The following MORC3 variants were observed in gnomAD, a reference collection of about 807,000 sequenced individuals.
MORC3 encodes MORC family CW-type zinc finger protein 3.
Under a neutral mutation model 109.1 loss-of-function variants are expected in MORC3, and 31 were observed. The ratio of observed to expected loss-of-function variants is 0.28; its 90% CI spans 0.21 to 0.38. The LOEUF is 0.38. MORC3 is among the 10% of genes least tolerant of loss of function. MORC3 has a pLI of 1.00. For missense variants in MORC3, 867 were observed against 1,135.8 expected, an observed-to-expected ratio of 0.76 and a Z score of 3.40; for synonymous variants, 395 against 380.7, an observed-to-expected ratio of 1.04 and a Z score of -0.44.
chr21:36,340,253 G>A (rs1421562676), intron 5 of MORC3, among the ~76,000 whole-genome samples: 1 of 150,952 alleles, frequency 6.6e-6, no homozygotes, highest in Non-Finnish European at 1.5e-5. Flanking sequence ...ACTCCAGCCT[G>A]GGCGAAAGAG....
intron 1 of MORC3, among the ~76,000 whole-genome samples, chr21:36,330,894 A>G (rs748541128): frequency 6.6e-6 from 1 of 152,222 alleles, no homozygotes; most frequent in African/African-American, 2.4e-5. Flanking sequence ...TGTGCTTTAG[A>G]AAGTCTTGAG....
intron 1 of MORC3, among the ~76,000 whole-genome samples, chr21:36,332,507 A>G (rs962679532): frequency 7.2e-5 from 11 of 152,160 alleles, no homozygotes; most frequent in Admixed American, 3.3e-4. Flanking sequence ...TGATCAGGCA[A>G]TATTTATGGA....
intron 15 of MORC3, among the ~76,000 whole-genome samples, chr21:36,372,041 G>C (rs1160595412): frequency 1.3e-5 from 2 of 152,034 alleles, no homozygotes. Context: ...TTAAACTCCT[G>C]ATCTCAGGTG....
chr21:36,364,151 C>T lies in MORC3; in HGVS notation c.1511C>T (p.Pro504Leu). Residue 504 changes from proline (P) to leucine (L), a missense_variant, in exon 14 of 17, where the codon CCT (proline) becomes CTT (leucine). By Grantham distance (98) the Pro-to-Leu change is moderately conservative. This residue lies in a region of MORC3 where 486 missense variants were observed against 502.1 expected (regional missense o/e 0.97). Coordinates refer to ENST00000400485, the MANE Select transcript of MORC3 (RefSeq NM_015358.3). ...CTTTCAACTCCAAGCTTTTCTTCTC[C>T]TAAGGAAAGTGTTCCAAGAAGACAT... ...TALSTPSFSS[P>L]KESVPRRHLS... 2 of 1,614,064 alleles carry T rather than the reference C, an allele frequency of 1.2e-6. No homozygotes were observed. Among genetic ancestry groups the T allele is most frequent in the Non-Finnish European group, 1.7e-6 (2 of 1,179,964 alleles).
intron 8 of MORC3, among the ~76,000 whole-genome samples, chr21:36,345,285 G>A (rs1370677803): frequency 7.5e-6 from 1 of 133,204 alleles, no homozygotes; most frequent in South Asian, 2.5e-4. Context: ...TCTGAGTCTT[G>A]CCCAGGCTTC....
chr21:36,372,558 G>T (rs1202951453), intron 16 of MORC3, 27 bp downstream of exon 16: 1 of 1,552,716 alleles, frequency 6.4e-7, no homozygotes, highest in Non-Finnish European at 8.6e-7. Context: ...CGTTTTTGTG[G>T]GGCTGCAATT....
chr21:36,335,174 A>G (rs977045171), intron 2 of MORC3, among the ~76,000 whole-genome samples: 1 of 152,178 alleles, frequency 6.6e-6, no homozygotes, highest in Non-Finnish European at 1.5e-5. Flanking sequence ...ACATAAGCCT[A>G]ATTGAAAAAT....
intron 14 of MORC3, among the ~76,000 whole-genome samples, chr21:36,366,150 C>T (rs1395581818): frequency 6.6e-6 from 1 of 152,062 alleles, no homozygotes; most frequent in Non-Finnish European, 1.5e-5. Context: ...GAGCATAGTA[C>T]CCAATATGTA....
intron 2 of MORC3, among the ~76,000 whole-genome samples, chr21:36,334,984 C>T (rs935783279): frequency 1.4e-4 from 22 of 151,964 alleles, no homozygotes; most frequent in Non-Finnish European, 2.5e-4. Context: ...TACAAAAATT[C>T]GCCAGGGTGG....
In MORC3 at chr21:36,346,361, G is replaced by A. The variant is rs189601784; in HGVS notation, c.1005+1330G>A. Among the ~76,000 whole-genome samples, 28 of 152,286 alleles carry A rather than the reference G, an allele frequency of 1.8e-4. 1 individual carries two copies. The highest frequency in any genetic ancestry group is 1.8e-3 in the Admixed American group (28 of 15,286). ...ATTTGATCCTGAACAGCCCTGAGGT[G>A]GGGACAGAATATTTCTTTTATCCCT... On this transcript the variant is annotated intron_variant, in intron 8 of 16. Coordinates refer to ENST00000400485, the MANE Select transcript of MORC3 (RefSeq NM_015358.3).
rs1206021192 is a variant in MORC3, at chr21:36,337,666, T to C, written c.246-66T>C. The C allele has an allele frequency of 4.0e-6, 4 of 1,006,976 alleles. No individual in the cohort carries two copies. In the East Asian group the frequency reaches 1.2e-4, roughly 29 times the overall value. 62.4% of individuals were successfully genotyped at this position (1,006,976 alleles called of 1,614,324 possible). On this transcript the variant is annotated intron_variant, in intron 3 of 16. Coordinates refer to ENST00000400485, the MANE Select transcript of MORC3 (RefSeq NM_015358.3). The stretch of plus-strand genomic sequence containing the variant: ...ATGAATTAAAAAAAAAGATTATAGG[T>C]ATTTATTTATTTATTTATTTTTGAT...
chr21:36,332,836 G>A (rs1366195816), intron 1 of MORC3, among the ~76,000 whole-genome samples: 2 of 143,802 alleles, frequency 1.4e-5, no homozygotes. Context: ...TGCCCAGGCT[G>A]GAGTGCAGTG....
chr21:36,337,369 A>C (rs2835337), intron 3 of MORC3, among the ~76,000 whole-genome samples: 85,060 of 151,992 alleles, frequency 0.56, 25,056 homozygotes, highest in East Asian at 0.99. Flanking sequence ...GAAATCTCAC[A>C]GTCCCGGAAG....
chr21:36,325,876 T>TG (rs199923546), intron 1 of MORC3, among the ~76,000 whole-genome samples: 4,311 of 152,300 alleles, frequency 0.028, 82 homozygotes, highest in Admixed American at 0.048. Flanking sequence ...TTAGTAGCTG[T>TG]GGTTATCAGA....
Position 36,375,897 on chromosome 21 carries a change from T to C in MORC3, c.*601T>C, listed in dbSNP as rs988602617. 1 of 152,288 alleles carries C rather than the reference T, an allele frequency of 6.6e-6. No individual in the cohort carries two copies. Among genetic ancestry groups the C allele is most frequent in the African/African-American group, 2.4e-5 (1 of 41,478 alleles). The allele number at this position is 152,288 out of a possible 1,614,324, so 9.4% of individuals were successfully genotyped here. A position where few individuals can be genotyped will look rare whatever the true frequency, so the allele number is the denominator to read the frequency against. On this transcript the variant is annotated 3_prime_UTR_variant, in exon 17 of 17. Transcript: ENST00000400485. ...CCATTTTGCCAGGATTTTGTTGTGC[T>C]GAGATTGCCAATCACGGTTAAACAC...
chr21:36,341,546 G>GGTAT lies in MORC3; in HGVS notation c.756+5_756+8dup. 6 of 1,613,846 alleles carry GGTAT rather than the reference G, an allele frequency of 3.7e-6. No individual in the cohort carries two copies. Among genetic ancestry groups the GGTAT allele is most frequent in the Non-Finnish European group, 5.1e-6 (6 of 1,179,990 alleles). ...CCCCTGAGAGTGACTATTCCCTGAG[G>GGTAT]GTATGTATTCAGCTCTCTTTGTGGA... On this transcript the variant is annotated frameshift_variant and splice_region_variant. Transcript: ENST00000400485. LOFTEE classifies it high-confidence loss of function.
intron 1 of MORC3, among the ~76,000 whole-genome samples, chr21:36,321,048 A>C (rs2085188759): frequency 6.6e-6 from 1 of 152,174 alleles, no homozygotes. Flanking sequence ...TTGTGAGCGC[A>C]GTTGATGTTA....
intron 6 of MORC3, among the ~76,000 whole-genome samples, chr21:36,343,565 C>T (rs1174278984): frequency 6.6e-6 from 1 of 151,514 alleles, no homozygotes; most frequent in Non-Finnish European, 1.5e-5. Flanking sequence ...TCTTCTGGCA[C>T]AGCCTCCTGA....
At chr21:36,326,486 T>C (rs975647461) in intron 1 of MORC3, among the ~76,000 whole-genome samples, 2 of 152,228 alleles carry the variant, frequency 1.3e-5, no homozygotes, top group South Asian at 4.1e-4. Flanking sequence ...ACCACCGCAC[T>C]CCAGCCTGGA....
Sources: allele counts gnomAD v4.1 joint callset (sites outside exome capture counted in the v4.1 genomes callset), GRCh38; gene constraint gnomAD v4.1.1; regional missense constraint gnomAD v4.1.1; transcripts MANE v1.5; gene names NCBI Gene and HGNC (gene_info 2026-07-23, HGNC 2026-07-21).